Variants in FOXP2 observed in about 807,000 individuals in gnomAD.
FOXP2 encodes forkhead box P2, also known as forkhead box protein P2.
Under a neutral mutation model 115.8 loss-of-function variants are expected in FOXP2, and 12 were observed. That is an observed-to-expected ratio of 0.10 (90% CI 0.07 to 0.17). The LOEUF (loss-of-function observed/expected upper bound fraction) is 0.17. Among genes scored for constraint, FOXP2 ranks in the 10% least tolerant of loss-of-function variants. The pLI is 1.00. For missense variants in FOXP2, 629 were observed against 843.5 expected, an observed-to-expected ratio of 0.75 and a Z score of 3.15; for synonymous variants, 328 against 297.7, an observed-to-expected ratio of 1.10 and a Z score of -1.05.
intron 2 of FOXP2, among the ~76,000 whole-genome samples, 180 bp from the exon 3 acceptor site, chr7:114,534,437 A>G (rs1327237460): frequency 6.6e-6 from 1 of 151,880 alleles, no homozygotes; most frequent in African/African-American, 2.4e-5. Flanking sequence ...GATTTGGAGT[A>G]AAAAGTTATA....
At chr7:114,415,846 A>G (rs1043802274) in intron 1 of FOXP2, among the ~76,000 whole-genome samples, 6 of 151,942 alleles carry the variant, frequency 3.9e-5, no homozygotes, top group Admixed American at 3.9e-4. Context: ...TCTTTTTGCT[A>G]AGCTTGTACA....
chr7:114,469,094 C>T (rs1194895675), intron 2 of FOXP2, among the ~76,000 whole-genome samples: 2 of 152,098 alleles, frequency 1.3e-5, no homozygotes, highest in African/African-American at 4.8e-5. Context: ...TTCAACTCTT[C>T]CTCTTGGCCT....
chr7:114,623,889 A>G (rs1247074114), intron 3 of FOXP2, among the ~76,000 whole-genome samples: 1 of 151,918 alleles, frequency 6.6e-6, no homozygotes, highest in Non-Finnish European at 1.5e-5. Flanking sequence ...CTGCTAAAAG[A>G]TTGCGTTAAA....
At chr7:114,344,779 A>G (rs1286450885) in intron 2 of FOXP2, among the ~76,000 whole-genome samples, 1 of 151,838 alleles carries the variant, frequency 6.6e-6, no homozygotes, top group Non-Finnish European at 1.5e-5. Flanking sequence ...GCTTAAAATA[A>G]CGGTAAAATA....
intron 2 of FOXP2, among the ~76,000 whole-genome samples, chr7:114,406,374 A>C (rs1793037676): frequency 6.6e-6 from 1 of 151,982 alleles, no homozygotes; most frequent in African/African-American, 2.4e-5. Context: ...CTCAACTCAA[A>C]GTACAGGTTT....
chr7:114,186,010 T>A (rs113354601), intron 1 of FOXP2, among the ~76,000 whole-genome samples: 1,823 of 152,132 alleles, frequency 0.012, 43 homozygotes, highest in African/African-American at 0.041. Context: ...AAAGGAGGGC[T>A]GGACTTACCC....
chr7:114,102,769 T>C (rs1230766632), intron 1 of FOXP2, among the ~76,000 whole-genome samples: 2 of 151,380 alleles, frequency 1.3e-5, no homozygotes, highest in Non-Finnish European at 3.0e-5. Context: ...GACATATCTT[T>C]TAAATCTCTG....
intron 1 of FOXP2, among the ~76,000 whole-genome samples, chr7:114,152,192 T>C (rs1458437229): frequency 1.3e-5 from 2 of 152,178 alleles, no homozygotes; most frequent in African/African-American, 2.4e-5. Flanking sequence ...TTACAGTATG[T>C]GTGGCACAAT....
chr7:114,299,955 G>A (rs1035918117), intron 2 of FOXP2, among the ~76,000 whole-genome samples: 4 of 151,994 alleles, frequency 2.6e-5, no homozygotes, highest in African/African-American at 9.7e-5. Flanking sequence ...GGTTGACATA[G>A]ATATTCCTTG....
intron 2 of FOXP2, among the ~76,000 whole-genome samples, chr7:114,493,361 A>G (rs1797159390): frequency 6.6e-6 from 1 of 151,868 alleles, no homozygotes; most frequent in Non-Finnish European, 1.5e-5. Flanking sequence ...GACTCTTTCC[A>G]AACCCATAGA....
At chr7:114,672,988 C>G (rs1807574540) in intron 16 of FOXP2, among the ~76,000 whole-genome samples, 1 of 152,102 alleles carries the variant, frequency 6.6e-6, no homozygotes, top group African/African-American at 2.4e-5. Context: ...CTTCAAGGAG[C>G]CAGAATGCAA....
chr7:114,348,875 G>T (rs947293483), intron 2 of FOXP2, among the ~76,000 whole-genome samples: 1 of 152,040 alleles, frequency 6.6e-6, no homozygotes, highest in Non-Finnish European at 1.5e-5. Context: ...CAGTGCGTGG[G>T]TATCAGCTTA....
At chr7:114,184,796 T>C (rs192659857) in intron 1 of FOXP2, among the ~76,000 whole-genome samples, 12 of 152,238 alleles carry the variant, frequency 7.9e-5, no homozygotes, top group Admixed American at 5.9e-4. Context: ...AGGGAAACTG[T>C]TTTTCCGTTT....
chr7:114,244,825 A>G (rs977045452), intron 1 of FOXP2, among the ~76,000 whole-genome samples: 7 of 151,632 alleles, frequency 4.6e-5, no homozygotes, highest in African/African-American at 9.7e-5. Context: ...GCAGTGGCGC[A>G]ATCTCGGCTC....
chr7:114,103,535 TG>T (rs1791039612), intron 1 of FOXP2, among the ~76,000 whole-genome samples: 1 of 152,002 alleles, frequency 6.6e-6, no homozygotes, highest in Admixed American at 6.6e-5. Flanking sequence ...CAATTTCAGC[TG>T]GGGGAAATGG....
chr7:114,128,061 A>G (rs1390920599), intron 1 of FOXP2, among the ~76,000 whole-genome samples: 2 of 152,218 alleles, frequency 1.3e-5, no homozygotes, highest in African/African-American at 4.8e-5. Context: ...AATGTTAGGG[A>G]TAGGCCACAG....
At chr7:114,661,273 A>G (rs1333276440) in intron 13 of FOXP2, among the ~76,000 whole-genome samples, 1 of 152,058 alleles carries the variant, frequency 6.6e-6, no homozygotes, top group Non-Finnish European at 1.5e-5. Context: ...CTCGATGTAA[A>G]TTATGTGGTC....
rs756842467 is a variant in FOXP2, at chr7:114,426,696, T to G, written c.168+17T>G. 2 of 1,609,868 alleles carry G rather than the reference T, an allele frequency of 1.2e-6. No individual in the cohort carries two copies. The highest frequency in any genetic ancestry group is 2.2e-5 in the South Asian group (2 of 90,932). ...CAACAGCAGGTAAGTTTTGTTTTCC[T>G]CAGTGCTTCCTTAAAACAAATAAGC... On this transcript the variant is annotated intron_variant, in intron 2 of 16. Transcript: ENST00000350908.
chr7:114,191,482 G>A (rs776918), intron 1 of FOXP2, among the ~76,000 whole-genome samples: 131,524 of 152,146 alleles, frequency 0.86, 57,258 homozygotes, highest in Non-Finnish European at 0.92. Flanking sequence ...CTCGAGAGAC[G>A]CATATATTGC....
Sources: allele counts gnomAD v4.1 joint callset (sites outside exome capture counted in the v4.1 genomes callset), GRCh38; gene constraint gnomAD v4.1.1; transcripts MANE v1.5; gene names NCBI Gene and HGNC (gene_info 2026-07-23, HGNC 2026-07-21).